Variants in ESRRB observed in about 807,000 individuals in gnomAD.
The protein encoded by ESRRB is estrogen related receptor beta, also known as steroid hormone receptor ERR2.
ESRRB carries 16 observed loss-of-function variants against 46.0 expected under a neutral mutation model. The observed-to-expected ratio is 0.35, with a 90% CI of 0.24 to 0.53. The LOEUF (loss-of-function observed/expected upper bound fraction) is 0.53, where lower values mean the gene tolerates loss of function less well. Ranked by LOEUF, ESRRB falls within the 20% of genes least tolerant of loss-of-function variation. ESRRB has a pLI of 0.93. For missense variants in ESRRB, 488 were observed against 607.4 expected (o/e 0.80, Z 2.07); for synonymous variants, 246 against 259.6 (o/e 0.95, Z 0.50).
chr14:76,447,675 C>T (rs1349518478), intron 2 of ESRRB, among the ~76,000 whole-genome samples: 1 of 152,040 alleles, frequency 6.6e-6, no homozygotes, highest in African/African-American at 2.4e-5. Context: ...TCAAGCCAGA[C>T]ACCTGGGTCT....
At chr14:76,341,284 C>T (rs770032277) in intron 1 of ESRRB, among the ~76,000 whole-genome samples, 8 of 152,358 alleles carry the variant, frequency 5.3e-5, no homozygotes, top group Non-Finnish European at 8.8e-5. Context: ...AGCTGGTTCT[C>T]GGCCTGGGGG....
chr14:76,439,649 C>G lies in ESRRB; in HGVS notation c.359C>G (p.Pro120Arg), dbSNP rs754162236. 6 of 1,614,244 alleles carry G rather than the reference C, an allele frequency of 3.7e-6. No homozygotes were observed. Among genetic ancestry groups the G allele is most frequent in the Non-Finnish European group, 5.1e-6 (6 of 1,180,042 alleles). ...TGCGAGTACATGCTCAACGCCATCC[C>G]CAAGCGCCTGTGCCTCGTGTGCGGG... The part of the protein sequence containing the change: ...IKCEYMLNAI[P>R]KRLCLVCGDI... The change falls in exon 2 of 7, where the codon CCC becomes CGC. Residue 120 changes from proline to arginine, a missense_variant. Pro to Arg is a moderately radical substitution (Grantham distance 103). Transcript: ENST00000644823.
Position 76,482,847 on chromosome 14 carries a change from C to T in ESRRB, c.850+88C>T, listed in dbSNP as rs1464627180. The T allele has an allele frequency of 9.9e-6, 15 of 1,515,142 alleles. No homozygotes were observed. The highest frequency in any genetic ancestry group is 5.5e-5 in the African/African-American group (4 of 73,082). 93.9% of individuals were successfully genotyped at this position (1,515,142 alleles called of 1,614,324 possible). Reference sequence around the variant, plus strand: ...ACCCAATGGCTGTGCTTCTGATGCCCGGATCCTGGACCCCAGAAGGCCTGT... The same window carrying T: ...ACCCAATGGCTGTGCTTCTGATGCCTGGATCCTGGACCCCAGAAGGCCTGT... On this transcript the variant is annotated intron_variant, in intron 5 of 6. Coordinates refer to ENST00000644823, the MANE Select transcript of ESRRB (RefSeq NM_001379180.1). The surrounding 1 kb of genome is among the most constrained non-coding windows in gnomAD (Gnocchi z 4.3).
At chr14:76,420,651 G>T (rs901030465) in intron 1 of ESRRB, among the ~76,000 whole-genome samples, 7 of 70 alleles carry the variant, frequency 0.1, no homozygotes, top group African/African-American at 0.22. Flanking sequence ...TCAGTGCACT[G>T]TGAGGAACAA....
upstream of ESRRB, among the ~76,000 whole-genome samples, chr14:76,369,955 A>G (rs1233312467): frequency 2.0e-5 from 3 of 152,246 alleles, no homozygotes; most frequent in Non-Finnish European, 4.4e-5. Context: ...GAAACTGTTT[A>G]TTCTTTCTGT....
chr14:76,474,180 C>T (rs911720693), intron 3 of ESRRB, among the ~76,000 whole-genome samples: 3 of 152,220 alleles, frequency 2.0e-5, no homozygotes, highest in Non-Finnish European at 2.9e-5. Context: ...ATACATCTGA[C>T]TGACAGTAGT....
Position 76,358,383 on chromosome 14 carries a change from G to T in ESRRB, c.2+47467G>T, listed in dbSNP as rs377562348. On this transcript the variant is annotated intron_variant, in intron 1 of 6. Transcript: ENST00000512784. ...AGAAAGAAAGAAAGAAAGAAAGAAA[G>T]AAAGAAAGAAAGAAAGAAAGAAAGA... 1.2e-4 allele frequency among the ~76,000 whole-genome samples: 7 copies of T among 60,812 alleles called. 1 individual carries two copies. The highest frequency in any genetic ancestry group is 2.6e-4 in the Non-Finnish European group (7 of 26,894). The allele number at this position is 60,812 out of a possible 152,430, so 39.9% of individuals were successfully genotyped here.
chr14:76,349,446 A>T (rs1884288530), intron 1 of ESRRB, among the ~76,000 whole-genome samples: 1 of 152,198 alleles, frequency 6.6e-6, no homozygotes. Context: ...TGGTCTGGGA[A>T]GGGAGGGGTA....
chr14:76,407,564 T>C, intron 1 of ESRRB: 1 of 985,766 alleles, frequency 1.0e-6, no homozygotes. Context: ...TCCAGTGATT[T>C]GGGAGCTGCA....
rs994663793 is a variant in ESRRB, at chr14:76,498,498, A to G, written c.*40A>G. ...GACCAATGCCCACCTACAGACAGAC[A>G]AACGGACAGACCGAGGTGGAGACCT... is the stretch of plus-strand genomic sequence containing the variant. On this transcript the variant is annotated 3_prime_UTR_variant, in exon 7 of 7. Transcript: ENST00000644823. The G allele has an allele frequency of 1.4e-5, 22 of 1,612,610 alleles. No individual in the cohort carries two copies. Among genetic ancestry groups the G allele is most frequent in the Non-Finnish European group, 1.8e-5 (21 of 1,179,974 alleles).
chr14:76,376,893 C>T lies in ESRRB; in HGVS notation c.50+442C>T, dbSNP rs1414291974. Among the ~76,000 whole-genome samples the T allele has an allele frequency of 6.6e-6, 1 of 152,154 alleles. No homozygotes were observed. Among genetic ancestry groups the T allele is most frequent in the Non-Finnish European group, 1.5e-5 (1 of 68,030 alleles). On this transcript the variant is annotated intron_variant, in intron 1 of 6. Coordinates refer to ENST00000644823, the MANE Select transcript of ESRRB (RefSeq NM_001379180.1). This position sits in a 1 kb window ranked among gnomAD's most constrained non-coding sequence, Gnocchi z 4.1. ...TGTTTTATTATTTCCATCCTGGGGA[C>T]CAAAAATGATCCCGGCAAGAGAGAG...
At chr14:76,492,048 A>G (rs906308525) in intron 6 of ESRRB, among the ~76,000 whole-genome samples, 2 of 152,250 alleles carry the variant, frequency 1.3e-5, no homozygotes, top group African/African-American at 4.8e-5. Context: ...CAGTTTCTTC[A>G]TCAGTAAAAG....
At chr14:76,362,019 C>G (rs1466419047) in intron 1 of ESRRB, among the ~76,000 whole-genome samples, 1 of 152,166 alleles carries the variant, frequency 6.6e-6, no homozygotes, top group Non-Finnish European at 1.5e-5. Context: ...TGCCCTGAGT[C>G]TGGGGCTGAG....
chr14:76,498,120 C>T, intron 6 of ESRRB, 94 bp from the exon 7 acceptor site: 2 of 1,450,650 alleles, frequency 1.4e-6, no homozygotes, highest in Admixed American at 3.3e-5. Context: ...ATACCCCTGC[C>T]TGCCTCCATG....
Position 76,443,814 on chromosome 14 carries a change from A to G in ESRRB, c.460+4064A>G, listed in dbSNP as rs185194142. ...AGGAGTCCACATGAAAGATTCGTAA[A>G]TAGTCTTAATTATTTGCTACCGCGA... On this transcript the variant is annotated intron_variant, in intron 2 of 6. Transcript: ENST00000644823. 1.5e-4 allele frequency among the ~76,000 whole-genome samples: 23 copies of G among 152,332 alleles called. No individual in the cohort carries two copies. In the East Asian group the frequency reaches 4.4e-3, roughly 29 times the overall value.
rs1202122714 is a variant in ESRRB at position 76,333,449 on chromosome 14, GTATATCATATATAAA to G, written c.2+22554_2+22568del. On this transcript the variant is annotated intron_variant, in intron 1 of 6. Coordinates refer to the ESRRB transcript ENST00000512784. ...ATATATATTTATATATGATATATAA[GTATATCATATATAAA>G]TATATCATATATAAATATATATTAT... Among the ~76,000 whole-genome samples the G allele has an allele frequency of 1.5e-4, 7 of 46,250 alleles. 1 individual carries two copies. The highest frequency in any genetic ancestry group is 7.5e-4 in the African/African-American group (7 of 9,310). 30.3% of individuals were successfully genotyped at this position (46,250 alleles called of 152,430 possible).
chr14:76,388,195 T>C (rs1204530695), intron 1 of ESRRB, among the ~76,000 whole-genome samples: 4 of 149,784 alleles, frequency 2.7e-5, no homozygotes, highest in African/African-American at 9.9e-5. Context: ...TTTTTTTTTT[T>C]TGAGATGGAG....
At chr14:76,497,863 T>C (rs1172349979) in intron 6 of ESRRB, among the ~76,000 whole-genome samples, 1 of 152,156 alleles carries the variant, frequency 6.6e-6, no homozygotes, top group Non-Finnish European at 1.5e-5. Flanking sequence ...TATTATCCCA[T>C]TTTACAAGTG....
rs1399865385 is a variant in ESRRB at position 76,332,924 on chromosome 14, T to TA, written c.2+22008_2+22009insA. Among the ~76,000 whole-genome samples, 115 of 46,582 alleles carry TA rather than the reference T, an allele frequency of 2.5e-3. 10 individuals carry two copies. The highest frequency in any genetic ancestry group is 3.2e-3 in the Non-Finnish European group (89 of 28,226). 30.6% of individuals were successfully genotyped at this position (46,582 alleles called of 152,430 possible). ...TTATATACTTATATATTATATATAT[T>TA]TATATATTATATACTTATATATTAT... On this transcript the variant is annotated intron_variant, in intron 1 of 6. Transcript: ENST00000512784.
Sources: gnomAD v4.1 joint callset for allele counts (sites outside exome capture counted in the v4.1 genomes callset) on GRCh38, gnomAD v4.1.1 for gene constraint, Gnocchi (gnomAD v3.1) non-coding constraint, MANE v1.5 for transcripts, NCBI Gene and HGNC (gene_info 2026-07-23, HGNC 2026-07-21) for gene names.